The following NMBR variants were observed in gnomAD, a reference collection of about 807,000 sequenced individuals.
NMBR encodes the protein neuromedin B receptor.
A neutral mutation model predicts 20.5 loss-of-function variants in NMBR; 16 were observed. That is an observed-to-expected ratio of 0.78 (90% confidence interval 0.53 to 1.19). The LOEUF (loss-of-function observed/expected upper bound fraction) is 1.19, where lower values mean the gene tolerates loss of function less well. NMBR is among the 50% of genes most tolerant of loss of function. The pLI is 0.00. For missense variants in NMBR, 582 were observed against 499.1 expected, an observed-to-expected ratio of 1.17 and a Z score of -1.58; for synonymous variants, 212 against 196.6, an observed-to-expected ratio of 1.08 and a Z score of -0.65.
chr6:142,096,347 G>A (rs1026909964), intron 1 of NMBR, among the ~76,000 whole-genome samples: 1 of 152,170 alleles, frequency 6.6e-6, no homozygotes, highest in African/African-American at 2.4e-5. Context: ...ATTCTGGTAT[G>A]CTGTGTCTTT....
chr6:142,114,838 TATC>T (rs909814088), intron 1 of NMBR, among the ~76,000 whole-genome samples: 4 of 152,098 alleles, frequency 2.6e-5, no homozygotes, highest in African/African-American at 9.7e-5. Flanking sequence ...CATTATCTCT[TATC>T]ATATTCATAG....
Position 142,078,617 on chromosome 6 carries a change from T to G in NMBR, c.709A>C (p.Lys237Gln), listed in dbSNP as rs973171261. The change falls in exon 3 of 4, where the codon AAG (lysine) becomes CAG (glutamine). Residue 237 changes from lysine to glutamine, a missense_variant. Coordinates refer to ENST00000258042, the MANE Select transcript of NMBR (RefSeq NM_002511.4). Reference sequence around the variant, plus strand: ...TTGTGTGCGCTTTTAATTAAGGTCTTTGCAATATGATAATAATAAATGCTA... The same window carrying G: ...TTGTGTGCGCTTTTAATTAAGGTCTGTGCAATATGATAATAATAAATGCTA... ...IISIYYYHIA[K>Q]TLIKSAHNLP... is the part of the protein sequence containing the mutation. 8 of 1,613,350 alleles carry G rather than the reference T, an allele frequency of 5.0e-6. No individual in the cohort carries two copies. Among genetic ancestry groups the G allele is most frequent in the Non-Finnish European group, 6.8e-6 (8 of 1,179,554 alleles).
intron 1 of NMBR, among the ~76,000 whole-genome samples, chr6:142,131,115 T>C (rs927911317): frequency 3.3e-5 from 5 of 152,112 alleles, no homozygotes; most frequent in Non-Finnish European, 5.9e-5. Flanking sequence ...TCCCTTTGTT[T>C]CTCCAGATTC....
intron 1 of NMBR, among the ~76,000 whole-genome samples, chr6:142,114,199 T>C (rs551760163): frequency 6.6e-6 from 1 of 152,300 alleles, no homozygotes; most frequent in East Asian, 1.9e-4. Flanking sequence ...TGAGCCCAGG[T>C]TGGAAAAATA....
chr6:142,108,746 T>TG lies in NMBR; in HGVS notation c.-663-19426dup, dbSNP rs1181364064. Among the ~76,000 whole-genome samples, 4 of 152,224 alleles carry TG rather than the reference T, an allele frequency of 2.6e-5. No homozygotes were observed. In the East Asian group the frequency reaches 7.7e-4, roughly 29 times the overall value. ...GAGCCACACCATATCATTCTGCCCC[T>TG]GGCCCCTTCCAAATATCATGTCCGC... is the stretch of plus-strand genomic sequence containing the variant. On this transcript the variant is annotated intron_variant, in intron 1 of 3. Coordinates refer to ENST00000258042, the MANE Select transcript of NMBR (RefSeq NM_002511.4).
At chr6:142,138,089 AT>A (rs992685620) in intron 1 of NMBR, among the ~76,000 whole-genome samples, 2 of 152,062 alleles carry the variant, frequency 1.3e-5, no homozygotes, top group African/African-American at 4.8e-5. Flanking sequence ...TAGCTATGAA[AT>A]TATTTCAGAG....
chr6:142,078,725 A>G lies in NMBR; in HGVS notation c.601T>C (p.Tyr201His), dbSNP rs150018898. The stretch of plus-strand genomic sequence containing the variant: ...GGATGTAATTCATCTGTTTGAGGGT[A>G]TGGGATACATGCTGTGAAGCTGCTA... ...DNSSFTACIP[Y>H]PQTDELHPKI... The change falls in exon 3 of 4, where the codon TAC (tyrosine) becomes CAC (histidine). Residue 201 changes from tyrosine (Y) to histidine (H), a missense_variant. Physicochemically the swap from Tyr to His is moderately conservative, Grantham distance 83. Transcript: ENST00000258042. 1.3e-5 allele frequency: 21 copies of G among 1,613,986 alleles called. No individual in the cohort carries two copies. The African/African-American group carries it at 2.5e-4, about 20-fold the overall frequency.
At chr6:142,081,787 A>G (rs146275577) in intron 2 of NMBR, among the ~76,000 whole-genome samples, 2,123 of 152,290 alleles carry the variant, frequency 0.014, 44 homozygotes, top group South Asian at 0.067. Context: ...AAAGTGTTTC[A>G]CTGTGTATAT....
At chr6:142,092,453 A>T (rs1422516037) in intron 1 of NMBR, among the ~76,000 whole-genome samples, 1 of 152,180 alleles carries the variant, frequency 6.6e-6, no homozygotes, top group Non-Finnish European at 1.5e-5. Context: ...TGGGGAAGAT[A>T]ATAGAAGAAA....
chr6:142,120,502 TA>T (rs1366456197), intron 1 of NMBR, among the ~76,000 whole-genome samples: 1 of 151,916 alleles, frequency 6.6e-6, no homozygotes, highest in African/African-American at 2.4e-5. Context: ...CAGAGGGGTC[TA>T]CTTGAGGCTC....
chr6:142,097,165 C>T (rs1000466666), intron 1 of NMBR, among the ~76,000 whole-genome samples: 28 of 151,996 alleles, frequency 1.8e-4, no homozygotes, highest in Non-Finnish European at 3.7e-4. Flanking sequence ...GCATTTAGCC[C>T]ATTTACATTT....
chr6:142,093,266 A>G (rs1172530884), intron 1 of NMBR, among the ~76,000 whole-genome samples: 1 of 150,596 alleles, frequency 6.6e-6, no homozygotes, highest in Admixed American at 6.6e-5. Context: ...CTCATCATTT[A>G]GCATTAGGTA....
At chr6:142,121,434 G>C (rs1485060800) in intron 1 of NMBR, among the ~76,000 whole-genome samples, 1 of 151,894 alleles carries the variant, frequency 6.6e-6, no homozygotes, top group Non-Finnish European at 1.5e-5. Context: ...TCTTGCTCTA[G>C]TTAGCCAAGC....
intron 1 of NMBR, among the ~76,000 whole-genome samples, chr6:142,104,575 TA>T (rs1484804956): frequency 6.6e-6 from 1 of 152,156 alleles, no homozygotes; most frequent in African/African-American, 2.4e-5. Context: ...CAGGTCACCA[TA>T]AAATAATAGT....
chr6:142,080,115 A>G (rs1777062923), intron 2 of NMBR, among the ~76,000 whole-genome samples: 1 of 152,150 alleles, frequency 6.6e-6, no homozygotes, highest in Admixed American at 6.6e-5. Context: ...AATCACATTT[A>G]TCAAGCACAT....
At chr6:142,084,974 C>A (rs1158323689) in intron 2 of NMBR, among the ~76,000 whole-genome samples, 1 of 152,186 alleles carries the variant, frequency 6.6e-6, no homozygotes, top group Admixed American at 6.5e-5. Flanking sequence ...TTTTAATCAA[C>A]TACTTTATGT....
chr6:142,078,867 C>G lies in NMBR; in HGVS notation c.459G>C (p.Thr153=), dbSNP rs149123905. 2.5e-6 allele frequency: 4 copies of G among 1,613,020 alleles called. No individual in the cohort carries two copies. Among genetic ancestry groups the G allele is most frequent in the Non-Finnish European group, 3.4e-6 (4 of 1,179,874 alleles). The change falls in exon 3 of 4, where the codon ACG becomes ACC. Residue 153 remains threonine (T), a synonymous_variant. Transcript: ENST00000258042. ...CACAGGTCCGCAGCAATGCCCCTGA[C>G]GTCTGCATGTCCATGGGGTTAACGA... The part of the protein sequence containing the change: ...RAIVNPMDMQ[T]SGALLRTCVK...
intron 1 of NMBR, among the ~76,000 whole-genome samples, chr6:142,130,788 T>C (rs538790866): frequency 6.6e-6 from 1 of 152,202 alleles, no homozygotes; most frequent in Non-Finnish European, 1.5e-5. Flanking sequence ...GAAGACACTT[T>C]CGGCCAAGAA....
chr6:142,084,866 G>A (rs370638258), intron 2 of NMBR, among the ~76,000 whole-genome samples: 1 of 152,112 alleles, frequency 6.6e-6, no homozygotes, highest in Non-Finnish European at 1.5e-5. Context: ...CAGCACACAC[G>A]TCCCAATACT....
Sources: gnomAD v4.1 joint callset for allele counts (sites outside exome capture counted in the v4.1 genomes callset) on GRCh38, gnomAD v4.1.1 for gene constraint, MANE v1.5 for transcripts, NCBI Gene and HGNC (gene_info 2026-07-23, HGNC 2026-07-21) for gene names.